COL6A6: variants seen among roughly 807,000 people sequenced by gnomAD.
The protein encoded by COL6A6 is collagen alpha-6(VI) chain.
Under a neutral mutation model 208.6 loss-of-function variants are expected in COL6A6, and 183 were observed. The ratio of observed to expected loss-of-function variants is 0.88; its 90% CI spans 0.78 to 0.99. COL6A6 has a LOEUF of 0.99. Among genes scored for constraint, COL6A6 ranks in the 50% least tolerant of loss-of-function variants. The pLI, the probability that COL6A6 is intolerant of heterozygous loss-of-function variation, is 0.00. For synonymous variants in COL6A6, 973 were observed against 1,011.8 expected (o/e 0.96, Z 0.73); for missense variants, 2,816 against 2,815.2 (o/e 1.00, Z -0.01).
In COL6A6 at chr3:130,676,696, A is replaced by G. The variant is rs1351006479; in HGVS notation, c.*1299A>G. On this transcript the variant is annotated 3_prime_UTR_variant, in exon 37 of 37. Coordinates refer to ENST00000358511, the MANE Select transcript of COL6A6 (RefSeq NM_001102608.3). Reference sequence around the variant, plus strand: ...AAAACTATCTGCAGTATTTTTTTAAAACGACTTCTGCTATTCTTACTTAGA... The same window carrying G: ...AAAACTATCTGCAGTATTTTTTTAAGACGACTTCTGCTATTCTTACTTAGA... The G allele has an allele frequency of 6.6e-6, 1 of 152,214 alleles. No individual in the cohort carries two copies. Among genetic ancestry groups the G allele is most frequent in the Non-Finnish European group, 1.5e-5 (1 of 68,030 alleles). The allele number at this position is 152,214 out of a possible 1,614,324, so 9.4% of individuals were successfully genotyped here.
intron 29 of COL6A6, 105 bp downstream of exon 29, chr3:130,641,819 C>A: frequency 3.6e-6 from 2 of 557,932 alleles, no homozygotes; most frequent in Admixed American, 3.5e-5. Flanking sequence ...TCTGTCTCTG[C>A]TTCTTGGCCA....
intron 1 of COL6A6, among the ~76,000 whole-genome samples, chr3:130,545,957 T>C (rs1268304805): frequency 1.3e-5 from 2 of 152,176 alleles, no homozygotes; most frequent in Non-Finnish European, 2.9e-5. Flanking sequence ...GTATTCCCAT[T>C]TTGCACATAT....
intron 1 of COL6A6, among the ~76,000 whole-genome samples, chr3:130,547,054 C>T (rs533210191): frequency 1.4e-4 from 22 of 152,398 alleles, no homozygotes; most frequent in Admixed American, 5.2e-4. Flanking sequence ...CAGTCCTGCG[C>T]GGCCTGCCTG....
intron 29 of COL6A6, among the ~76,000 whole-genome samples, chr3:130,642,036 G>A (rs1020377221): frequency 1.3e-5 from 2 of 152,152 alleles, no homozygotes; most frequent in Non-Finnish European, 2.9e-5. Flanking sequence ...GAATGGAAGT[G>A]AAAGGAAATA....
At chr3:130,570,457 A>T (rs2063135573) in intron 6 of COL6A6, among the ~76,000 whole-genome samples, 1 of 152,240 alleles carries the variant, frequency 6.6e-6, no homozygotes, top group African/African-American at 2.4e-5. Context: ...TATAAATGAA[A>T]GCACATGTTG....
chr3:130,525,109 A>G (rs1270135089), intron 1 of COL6A6, among the ~76,000 whole-genome samples: 1 of 152,164 alleles, frequency 6.6e-6, no homozygotes, highest in Non-Finnish European at 1.5e-5. Flanking sequence ...AGGTTCATCA[A>G]TTGCTCAAAT....
At chr3:130,530,984 C>T (rs1003497530) in intron 1 of COL6A6, among the ~76,000 whole-genome samples, 1 of 151,724 alleles carries the variant, frequency 6.6e-6, no homozygotes, top group Non-Finnish European at 1.5e-5. Context: ...TTCTTGAAGT[C>T]TCTCTTTCTC....
At chr3:130,576,923 T>C (rs1203238692) in intron 8 of COL6A6, among the ~76,000 whole-genome samples, 1 of 152,236 alleles carries the variant, frequency 6.6e-6, no homozygotes, top group African/African-American at 2.4e-5. Flanking sequence ...GCTGTGCTTC[T>C]TATTAAAATA....
At chr3:130,586,994 C>T (rs1276405353) in intron 11 of COL6A6, among the ~76,000 whole-genome samples, 1 of 152,152 alleles carries the variant, frequency 6.6e-6, no homozygotes, top group Non-Finnish European at 1.5e-5. Flanking sequence ...CGTGAATCGG[C>T]CGTTAACCTC....
At chr3:130,590,111 A>T in intron 12 of COL6A6, 1 of 395,318 alleles carries the variant, frequency 2.5e-6, no homozygotes, top group Admixed American at 2.8e-5. Context: ...ATTCTAGTTT[A>T]TCAGTGGCAA....
intron 13 of COL6A6, among the ~76,000 whole-genome samples, chr3:130,591,935 G>A (rs1263179732): frequency 3.3e-5 from 5 of 152,154 alleles, no homozygotes; most frequent in African/African-American, 1.2e-4. Flanking sequence ...GTATGTTCAA[G>A]GGCATGTATC....
chr3:130,608,763 CTTTTTTT>C (rs752049202), intron 21 of COL6A6, 132 bp from the exon 22 acceptor site: 16 of 310,144 alleles, frequency 5.2e-5, no homozygotes, highest in Admixed American at 2.5e-4. Flanking sequence ...TATTTTTCAC[CTTTTTTT>C]TTTTTTTTTT....
At chr3:130,579,345 C>G (rs574214143) in intron 8 of COL6A6, among the ~76,000 whole-genome samples, 1 of 152,152 alleles carries the variant, frequency 6.6e-6, no homozygotes, top group Admixed American at 6.6e-5. Context: ...AAATATATAA[C>G]CCCCTTATTT....
intron 10 of COL6A6, among the ~76,000 whole-genome samples, chr3:130,584,444 C>T (rs1415636035): frequency 6.6e-6 from 1 of 152,040 alleles, no homozygotes. Context: ...TCTTTTCTCC[C>T]CCTCCTCATT....
chr3:130,653,402 T>G (rs900333177), intron 33 of COL6A6, among the ~76,000 whole-genome samples: 5 of 152,208 alleles, frequency 3.3e-5, no homozygotes, highest in African/African-American at 1.2e-4. Context: ...CACCCAACCT[T>G]TTTATTTTGA....
chr3:130,624,329 G>A (rs1228054255), intron 24 of COL6A6, among the ~76,000 whole-genome samples: 1 of 152,162 alleles, frequency 6.6e-6, no homozygotes, highest in Admixed American at 6.5e-5. Flanking sequence ...ATGAGCTTGA[G>A]GGCCTGAGAA....
At chr3:130,539,544 G>A (rs1168754740) in intron 1 of COL6A6, among the ~76,000 whole-genome samples, 1 of 151,592 alleles carries the variant, frequency 6.6e-6, no homozygotes, top group Non-Finnish European at 1.5e-5. Flanking sequence ...TGAGGCAGGA[G>A]AATGGCGTGA....
intron 36 of COL6A6, among the ~76,000 whole-genome samples, chr3:130,670,275 T>C (rs555323162): frequency 2.6e-5 from 4 of 152,328 alleles, no homozygotes; most frequent in African/African-American, 9.6e-5. Context: ...ACAGTATCTT[T>C]GGCATGGAGG....
chr3:130,661,500 C>A, intron 34 of COL6A6, 137 bp from the exon 35 acceptor site: 1 of 679,282 alleles, frequency 1.5e-6, no homozygotes, highest in Non-Finnish European at 2.4e-6. Context: ...ACTAGGAAAT[C>A]TTCCTGTTAC....
Sources: allele counts gnomAD v4.1 joint callset (sites outside exome capture counted in the v4.1 genomes callset), GRCh38; gene constraint gnomAD v4.1.1; transcripts MANE v1.5; gene names NCBI Gene and HGNC (gene_info 2026-07-23, HGNC 2026-07-21).